Variants in AKR1C8 observed in about 807,000 individuals in gnomAD.
AKR1C8 encodes aldo-keto reductase family 1 member C8.
At chr10:5,123,472 A>G in the AKR1C8 span, 100 of 469,462 alleles carry the variant, frequency 2.1e-4, 1 homozygote, top group South Asian at 3.7e-3. Context: ...TGAAGCCCTG[A>G]GGCTGGATTC....
At chr10:5,132,578 G>C in the AKR1C8 span, 1 of 1,508,138 alleles carries the variant, frequency 6.6e-7, no homozygotes, top group Non-Finnish European at 9.0e-7. Context: ...ACATGTGCAT[G>C]CATGCTTATC....
the AKR1C8 span, among the ~76,000 whole-genome samples, chr10:5,133,372 C>T: frequency 2.1e-4 from 32 of 152,226 alleles, no homozygotes; most frequent in Middle Eastern, 3.4e-3. Flanking sequence ...CGATTACAGG[C>T]GTGAGCCACT....
At chr10:5,169,468 T>C in the AKR1C8 span, among the ~76,000 whole-genome samples, 2 of 43,116 alleles carry the variant, frequency 4.6e-5, no homozygotes, top group Non-Finnish European at 7.2e-5. Context: ...AAAGATTAAT[T>C]AAGCTGGGTA....
At chr10:5,138,690 C>T in the AKR1C8 span, among the ~76,000 whole-genome samples, 3 of 152,132 alleles carry the variant, frequency 2.0e-5, no homozygotes, top group African/African-American at 7.2e-5. Flanking sequence ...TAAATCTTCA[C>T]AATTTATGTT....
At chr10:5,154,497 A>G in the AKR1C8 span, 1 of 264,392 alleles carries the variant, frequency 3.8e-6, no homozygotes, top group Non-Finnish European at 7.5e-6. Context: ...ATTAAAGAGT[A>G]CCTTCTAAGC....
At chr10:5,180,668 A>C in the AKR1C8 span, among the ~76,000 whole-genome samples, 1 of 152,036 alleles carries the variant, frequency 6.6e-6, no homozygotes, top group Non-Finnish European at 1.5e-5. Context: ...TGCTTTGTTT[A>C]CCTAAGCAAG....
chr10:5,142,986 A>C, the AKR1C8 span, among the ~76,000 whole-genome samples: 1 of 152,148 alleles, frequency 6.6e-6, no homozygotes, highest in Admixed American at 6.6e-5. Flanking sequence ...CTGTGTTCAT[A>C]AATGGGTTAA....
chr10:5,157,851 T>C, the AKR1C8 span: 1 of 437,542 alleles, frequency 2.3e-6, no homozygotes, highest in Non-Finnish European at 4.8e-6. Context: ...ATGGAAAATC[T>C]ACAGTGCGCT....
the AKR1C8 span, among the ~76,000 whole-genome samples, chr10:5,180,269 G>A: frequency 2.4e-4 from 37 of 152,336 alleles, 1 homozygote; most frequent in African/African-American, 8.2e-4. Flanking sequence ...GGTATCCGCA[G>A]CAGAGATTGC....
chr10:5,168,453 C>T, the AKR1C8 span, among the ~76,000 whole-genome samples: 1 of 152,036 alleles, frequency 6.6e-6, no homozygotes, highest in African/African-American at 2.4e-5. Flanking sequence ...ACCAGAAATG[C>T]CTGATAGTCA....
chr10:5,147,126 C>T, the AKR1C8 span, among the ~76,000 whole-genome samples: 7 of 152,086 alleles, frequency 4.6e-5, no homozygotes, highest in African/African-American at 1.2e-4. Context: ...CATGCGCTGA[C>T]GTCAGATGGT....
chr10:5,179,377 G>A, the AKR1C8 span, among the ~76,000 whole-genome samples: 1 of 152,090 alleles, frequency 6.6e-6, no homozygotes, highest in Non-Finnish European at 1.5e-5. Context: ...TCCCTTTGTG[G>A]GTAACCCGAC....
At chr10:5,117,213 C>T in the AKR1C8 span, among the ~76,000 whole-genome samples, 2 of 151,840 alleles carry the variant, frequency 1.3e-5, no homozygotes, top group Non-Finnish European at 2.9e-5. Flanking sequence ...TAATTCACCG[C>T]TTAACCACTT....
At chr10:5,146,055 G>A in the AKR1C8 span, among the ~76,000 whole-genome samples, 1 of 151,826 alleles carries the variant, frequency 6.6e-6, no homozygotes, top group African/African-American at 2.4e-5. Context: ...GTAGGGACAT[G>A]GATGAAATTG....
At chr10:5,150,819 A>G in the AKR1C8 span, among the ~76,000 whole-genome samples, 2 of 152,140 alleles carry the variant, frequency 1.3e-5, no homozygotes, top group Non-Finnish European at 2.9e-5. Context: ...TCAAGACAAC[A>G]TTGTAACTGC....
At chr10:5,182,777 G>T in the AKR1C8 span, among the ~76,000 whole-genome samples, 1 of 151,946 alleles carries the variant, frequency 6.6e-6, no homozygotes, top group Non-Finnish European at 1.5e-5. Flanking sequence ...GGGTGTGGCA[G>T]CATGCACCTG....
At chr10:5,138,846 T>C in the AKR1C8 span, among the ~76,000 whole-genome samples, 1 of 152,060 alleles carries the variant, frequency 6.6e-6, no homozygotes. Context: ...GAGTATTCAA[T>C]TAGGAAAAGA....
At chr10:5,174,748 GTTT>G in the AKR1C8 span, among the ~76,000 whole-genome samples, 1 of 151,772 alleles carries the variant, frequency 6.6e-6, no homozygotes, top group South Asian at 2.1e-4. Context: ...AGGAAAAAGT[GTTT>G]TTAATAAAAA....
At chr10:5,145,674 C>T in the AKR1C8 span, among the ~76,000 whole-genome samples, 1 of 152,070 alleles carries the variant, frequency 6.6e-6, no homozygotes, top group East Asian at 1.9e-4. Flanking sequence ...GTTAGAATGG[C>T]AATCATTAAA....
Sources: gnomAD v4.1 joint callset for allele counts (sites outside exome capture counted in the v4.1 genomes callset) on GRCh38, gnomAD v4.1.1 for gene constraint, MANE v1.5 for transcripts, NCBI Gene and HGNC (gene_info 2026-07-23, HGNC 2026-07-21) for gene names.